PNPT1: variants seen among roughly 807,000 people sequenced by gnomAD.
PNPT1 encodes polyribonucleotide nucleotidyltransferase 1, also known as polyribonucleotide nucleotidyltransferase 1, mitochondrial.
A neutral mutation model predicts 119.5 loss-of-function variants in PNPT1; 53 were observed. The observed-to-expected ratio is 0.44, with a 90% CI of 0.36 to 0.56. The LOEUF (loss-of-function observed/expected upper bound fraction) is 0.56, where lower values mean the gene tolerates loss of function less well. Among genes scored for constraint, PNPT1 ranks in the 20% least tolerant of loss-of-function variants. The pLI is 0.00. For missense variants in PNPT1, 948 were observed against 938.5 expected (o/e 1.01, Z -0.13); for synonymous variants, 357 against 322.1 (o/e 1.11, Z -1.16).
At chr2:55,684,801 G>C in intron 4 of PNPT1, 142 bp downstream of exon 4, 2 of 1,128,790 alleles carry the variant, frequency 1.8e-6, no homozygotes, top group Non-Finnish European at 2.3e-6. Flanking sequence ...TTTGAGTGAG[G>C]GAAGAGAAGG....
chr2:55,693,514 C>G, intron 1 of PNPT1, 149 bp downstream of exon 1: 1 of 1,177,190 alleles, frequency 8.5e-7, no homozygotes, highest in South Asian at 1.6e-5. Flanking sequence ...CATTCCAAAC[C>G]CGGAAAGGGA....
intron 18 of PNPT1, among the ~76,000 whole-genome samples, chr2:55,651,716 T>C (rs1225886835): frequency 1.3e-5 from 2 of 149,040 alleles, no homozygotes; most frequent in African/African-American, 4.9e-5. Context: ...CCCTCCACTA[T>C]TGTCCTGTGA....
At position 55,637,586 on chromosome 2, in the gene PNPT1, G is replaced by A; in HGVS notation, c.2162C>T (p.Thr721Ile). 6.2e-7 allele frequency: 1 copy of A among 1,603,942 alleles called. No individual in the cohort carries two copies. Among genetic ancestry groups the A allele is most frequent in the Non-Finnish European group, 8.5e-7 (1 of 1,170,808 alleles). ...QLDQRKIKHP[T>I]ALGLEVGQEI... The stretch of plus-strand genomic sequence containing the variant: ...TTGGCCAACTTCTAATCCTAGGGCA[G>A]TAGGATGTTTAATCTGGAAAAAAAA... The change falls in exon 27 of 28, where the codon ACT (threonine) becomes ATT (isoleucine). Residue 721 changes from threonine (T) to isoleucine (I), a missense_variant. Coordinates refer to ENST00000447944, the MANE Select transcript of PNPT1 (RefSeq NM_033109.5).
intron 17 of PNPT1, among the ~76,000 whole-genome samples, chr2:55,655,381 A>G (rs143681262): frequency 6.6e-6 from 1 of 152,252 alleles, no homozygotes; most frequent in African/African-American, 2.4e-5. Flanking sequence ...TGGCCTCCCA[A>G]AGTGCTGGGA....
At chr2:55,684,005 A>G (rs1212928345) in intron 4 of PNPT1, among the ~76,000 whole-genome samples, 171 bp from the exon 5 acceptor site, 2 of 152,214 alleles carry the variant, frequency 1.3e-5, no homozygotes, top group Admixed American at 6.5e-5. Flanking sequence ...ATTACATACC[A>G]TGCCCTAACA....
intron 11 of PNPT1, 151 bp from the exon 12 acceptor site, chr2:55,668,109 A>C: frequency 1.5e-6 from 1 of 658,922 alleles, no homozygotes; most frequent in Non-Finnish European, 2.5e-6. Context: ...AAAGTAGATA[A>C]ATTAAATGTT....
intron 14 of PNPT1, 62 bp from the exon 15 acceptor site, chr2:55,660,255 A>G (rs1437133803): frequency 6.8e-7 from 1 of 1,477,822 alleles, no homozygotes; most frequent in African/African-American, 1.4e-5. Context: ...ATTTCAAAAC[A>G]CAACTAAAAC....
intron 21 of PNPT1, among the ~76,000 whole-genome samples, chr2:55,645,852 C>A (rs1695984662): frequency 6.6e-6 from 1 of 151,350 alleles, no homozygotes; most frequent in Non-Finnish European, 1.5e-5. Context: ...TTTTTTGAGA[C>A]ATTTTCCCTC....
rs1422862469 is a variant in PNPT1, at chr2:55,666,978, T to A, written c.1176+13A>T. 6.6e-7 allele frequency: 1 copy of A among 1,513,932 alleles called. No homozygotes were observed. Among genetic ancestry groups the A allele is most frequent in the Non-Finnish European group, 8.9e-7 (1 of 1,120,926 alleles). 93.8% of individuals were successfully genotyped at this position (1,513,932 alleles called of 1,614,324 possible). ...TAATTTAGCAAATAATTAGAGCTTT[T>A]TATATAAATTACCTGTGTTTGTCCT... On this transcript the variant is annotated intron_variant, in intron 13 of 27. Transcript: ENST00000447944.
At chr2:55,682,130 G>A (rs1697267330) in intron 5 of PNPT1, among the ~76,000 whole-genome samples, 1 of 151,902 alleles carries the variant, frequency 6.6e-6, no homozygotes, top group Admixed American at 6.6e-5. Context: ...TCGACAGAGC[G>A]AGATTCCATC....
At chr2:55,639,768 C>CT (rs1695783773) in intron 26 of PNPT1, among the ~76,000 whole-genome samples, 2 of 152,086 alleles carry the variant, frequency 1.3e-5, no homozygotes, top group African/African-American at 4.8e-5. Flanking sequence ...AGTTTATTTA[C>CT]TTTTTTGGCT....
In PNPT1 at chr2:55,680,740, T is replaced by G; in HGVS notation, c.537A>C (p.Leu179Phe). The stretch of plus-strand genomic sequence containing the variant: ...CAGGTCCATTCCAAGGAATATCTGA[T>G]AATGAGAGGGCTACGGAAGCTTAAA... ...AINGASVALS[L>F]SDIPWNGPVG... The change falls in exon 7 of 28, where the codon TTA becomes TTC. Residue 179 changes from leucine (L) to phenylalanine (F), a missense_variant. Coordinates refer to ENST00000447944, the MANE Select transcript of PNPT1 (RefSeq NM_033109.5). 6.2e-7 allele frequency: 1 copy of G among 1,613,778 alleles called. No individual in the cohort carries two copies.
At chr2:55,691,876 A>ATTTTT (rs1475795171) in intron 1 of PNPT1, among the ~76,000 whole-genome samples, 14 of 18,516 alleles carry the variant, frequency 7.6e-4, no homozygotes, top group South Asian at 6.0e-3. Flanking sequence ...ATATATATAT[A>ATTTTT]TATTTTTTTT....
Position 55,662,898 on chromosome 2 carries a change from G to T in PNPT1, c.1177-872C>A, listed in dbSNP as rs1417033655. ...ACAAAAGATTTTTTTTTTTTTTTTTGGAGACGGAATCTCACTCTGTCACCC... is the reference window on the plus strand; with the variant it reads ...ACAAAAGATTTTTTTTTTTTTTTTTTGAGACGGAATCTCACTCTGTCACCC... On this transcript the variant is annotated intron_variant, in intron 13 of 27. Coordinates refer to ENST00000447944, the MANE Select transcript of PNPT1 (RefSeq NM_033109.5). Among the ~76,000 whole-genome samples, 516 of 103,244 alleles carry T rather than the reference G, an allele frequency of 5.0e-3. 6 individuals are homozygous for T. The highest frequency in any genetic ancestry group is 0.012 in the African/African-American group (368 of 29,802). 67.7% of individuals were successfully genotyped at this position (103,244 alleles called of 152,430 possible).
chr2:55,665,076 A>T (rs1696692496), intron 13 of PNPT1, among the ~76,000 whole-genome samples: 1 of 152,192 alleles, frequency 6.6e-6, no homozygotes, highest in Non-Finnish European at 1.5e-5. Flanking sequence ...CCCCTAAATC[A>T]TAATAATTAA....
At chr2:55,682,309 A>G (rs1008656834) in intron 5 of PNPT1, among the ~76,000 whole-genome samples, 1 of 150,948 alleles carries the variant, frequency 6.6e-6, no homozygotes, top group Non-Finnish European at 1.5e-5. Flanking sequence ...AACAGAAAAA[A>G]ATTAGCCAGG....
chr2:55,656,254 G>C (rs550584619), intron 16 of PNPT1, 34 bp from the exon 17 acceptor site: 1 of 1,611,262 alleles, frequency 6.2e-7, no homozygotes, highest in African/African-American at 1.3e-5. Context: ...AGTAAAAAAT[G>C]TATTAAGTCT....
chr2:55,687,213 CAA>C (rs777676691), intron 2 of PNPT1, among the ~76,000 whole-genome samples: 5 of 93,972 alleles, frequency 5.3e-5, no homozygotes, highest in African/African-American at 1.3e-4. Context: ...GACTCCATCT[CAA>C]AAAAAAAAAA....
intron 1 of PNPT1, among the ~76,000 whole-genome samples, chr2:55,691,878 A>ATATATT (rs1326804958): frequency 2.1e-4 from 7 of 33,122 alleles, no homozygotes; most frequent in East Asian, 2.1e-3. Context: ...ATATATATAT[A>ATATATT]TTTTTTTTTT....
Sources: gnomAD v4.1 joint callset for allele counts (sites outside exome capture counted in the v4.1 genomes callset) on GRCh38, gnomAD v4.1.1 for gene constraint, MANE v1.5 for transcripts, NCBI Gene and HGNC (gene_info 2026-07-23, HGNC 2026-07-21) for gene names.